Variants in RSF1 observed in about 807,000 individuals in gnomAD.
RSF1 encodes the protein HBV pX-associated protein 8.
Under a neutral mutation model 145.2 loss-of-function variants are expected in RSF1, and 13 were observed. The ratio of observed to expected loss-of-function variants is 0.09; its 90% CI spans 0.06 to 0.14. The LOEUF is 0.14. Among genes scored for constraint, RSF1 ranks in the 10% least tolerant of loss-of-function variants. RSF1 has a pLI of 1.00. For missense variants in RSF1, 1,517 were observed against 1,718.2 expected, an observed-to-expected ratio of 0.88 and a Z score of 2.07; for synonymous variants, 577 against 592.6, an observed-to-expected ratio of 0.97 and a Z score of 0.38.
intron 5 of RSF1, among the ~76,000 whole-genome samples, chr11:77,716,535 C>T (rs1269801067): frequency 6.6e-6 from 1 of 152,132 alleles, no homozygotes; most frequent in Admixed American, 6.5e-5. Context: ...AACAAATACC[C>T]CATGATCTCA....
chr11:77,845,942 C>T, the RSF1 span, among the ~76,000 whole-genome samples: 1 of 152,218 alleles, frequency 6.6e-6, no homozygotes, highest in South Asian at 2.1e-4. Context: ...CCCCCAATCC[C>T]CATATGGACC....
intron 7 of RSF1, 42 bp downstream of exon 7, chr11:77,698,445 T>A: frequency 6.4e-7 from 1 of 1,562,116 alleles, no homozygotes. Flanking sequence ...AACCTCACCA[T>A]GTCTGTAATA....
Position 77,663,926 on chromosome 11 carries a change from T to C in RSF1, c.*2991A>G, listed in dbSNP as rs1226449620. 2 of 151,670 alleles carry C rather than the reference T, an allele frequency of 1.3e-5. No homozygotes were observed. The highest frequency in any genetic ancestry group is 2.4e-5 in the African/African-American group (1 of 41,244). 9.4% of individuals were successfully genotyped at this position (151,670 alleles called of 1,614,324 possible). On this transcript the variant is annotated 3_prime_UTR_variant, in exon 16 of 16. Coordinates refer to ENST00000308488, the MANE Select transcript of RSF1 (RefSeq NM_016578.4). ...CCAACTTGTATTTCAACAAGGGGGG[T>C]TTAAATTATTAAAGGGCTCTATTAT...
chr11:77,676,794 A>G lies in RSF1; in HGVS notation c.3339T>C (p.Asp1113=). The G allele has an allele frequency of 2.5e-6, 4 of 1,613,654 alleles. No homozygotes were observed. In the South Asian group the frequency reaches 3.3e-5, roughly 13 times the overall value. The part of the protein sequence containing the change: ...EESEDEFKIS[D]GSQDEFVVSD... ...GGGCCTAGTAGGAGACCACACACCC[A>G]TCACTGATCTTGAATTCATCCTCGC... Residue 1113 remains aspartate, a splice_region_variant and synonymous_variant, in exon 13 of 16, where the codon GAT becomes GAC. Transcript: ENST00000308488.
chr11:77,826,147 G>T, the RSF1 span, among the ~76,000 whole-genome samples: 2 of 152,076 alleles, frequency 1.3e-5, no homozygotes, highest in Non-Finnish European at 2.9e-5. Context: ...CTGAGAGGCC[G>T]AGGTGGGAGT....
At chr11:77,852,620 C>T in the RSF1 span, among the ~76,000 whole-genome samples, 1 of 152,140 alleles carries the variant, frequency 6.6e-6, no homozygotes, top group African/African-American at 2.4e-5. Context: ...CTTAGAAAGT[C>T]TTATTCACCT....
At chr11:77,735,502 T>C (rs1961326068) in intron 4 of RSF1, among the ~76,000 whole-genome samples, 1 of 152,336 alleles carries the variant, frequency 6.6e-6, no homozygotes, top group East Asian at 1.9e-4. Flanking sequence ...TAACTTTTGT[T>C]ATATAATCCT....
rs776593351 is a variant in RSF1, at chr11:77,685,134, T to C, written c.2926A>G (p.Ile976Val). ...RRKERLVYVG[I>V]SIENIIPPQE... ...GGAGGAATGATGTTTTCAATACTGA[T>C]ACCAACATACACCAAGCGTTCTTTT... Residue 976 changes from isoleucine to valine, a missense_variant, in exon 10 of 16, where the codon ATC becomes GTC. This residue lies in a region of RSF1 where 29 missense variants were observed against 102.3 expected (regional missense o/e 0.28). Coordinates refer to ENST00000308488, the MANE Select transcript of RSF1 (RefSeq NM_016578.4). 1 of 1,568,326 alleles carries C rather than the reference T, an allele frequency of 6.4e-7. No homozygotes were observed. Among genetic ancestry groups the C allele is most frequent in the Non-Finnish European group, 8.6e-7 (1 of 1,157,382 alleles).
At chr11:77,693,013 T>C (rs1370167871) in intron 8 of RSF1, among the ~76,000 whole-genome samples, 5 of 152,076 alleles carry the variant, frequency 3.3e-5, no homozygotes, top group Admixed American at 6.6e-5. Context: ...AGTAGGTTTG[T>C]GAGAGAAATG....
rs746513583 is a variant in RSF1 at position 77,665,001 on chromosome 11, C to T, written c.*1916G>A. On this transcript the variant is annotated 3_prime_UTR_variant, in exon 16 of 16. Coordinates refer to ENST00000308488, the MANE Select transcript of RSF1 (RefSeq NM_016578.4). ...TTTATTTTTTATACAGATACATACA[C>T]ATTGCTAGAATCAAAGCAAAAATAT... is the stretch of plus-strand genomic sequence containing the variant. 6.6e-6 allele frequency: 1 copy of T among 152,118 alleles called. No individual in the cohort carries two copies. Among genetic ancestry groups the T allele is most frequent in the Non-Finnish European group, 1.5e-5 (1 of 68,010 alleles). The allele number at this position is 152,118 out of a possible 1,614,324, so 9.4% of individuals were successfully genotyped here.
chr11:77,672,120 C>T lies in RSF1; in HGVS notation c.3673G>A (p.Gly1225Ser), dbSNP rs181969957. ...CCACGTCGCAAACTCTTCTGGGAAC[C>T]GTCACTTTCTGAGTCTTCTTTGTAG... ...INYKEDSESD[G>S]SQKSLRRGKE... Residue 1225 changes from glycine to serine, a missense_variant, in exon 15 of 16, where the codon GGT (glycine) becomes AGT (serine). Physicochemically the swap from Gly to Ser is moderately conservative, Grantham distance 56. This residue lies in a region of RSF1 where 9 missense variants were observed against 23.0 expected (regional missense o/e 0.39). Transcript: ENST00000308488. 16 of 1,614,028 alleles carry T rather than the reference C, an allele frequency of 9.9e-6. No individual in the cohort carries two copies. Among genetic ancestry groups the T allele is most frequent in the Middle Eastern group, 1.7e-4 (1 of 6,060 alleles).
chr11:77,859,340 A>T, the RSF1 span, among the ~76,000 whole-genome samples: 1 of 151,880 alleles, frequency 6.6e-6, no homozygotes, highest in East Asian at 1.9e-4. Flanking sequence ...TTCCTTTCTG[A>T]TGACCCCAGC....
intron 1 of RSF1, among the ~76,000 whole-genome samples, chr11:77,791,562 C>T (rs1286424299): frequency 1.3e-5 from 2 of 152,054 alleles, no homozygotes; most frequent in East Asian, 3.9e-4. Context: ...GTGGTGCTTC[C>T]CTTATAAAAC....
intron 15 of RSF1, among the ~76,000 whole-genome samples, chr11:77,670,325 G>A (rs185014778): frequency 7.9e-5 from 12 of 152,192 alleles, no homozygotes; most frequent in Non-Finnish European, 1.5e-4. Flanking sequence ...CCATCTGCCT[G>A]TATCATTCTT....
chr11:77,766,924 T>C (rs1012410373), intron 1 of RSF1, among the ~76,000 whole-genome samples: 5 of 152,108 alleles, frequency 3.3e-5, no homozygotes, highest in African/African-American at 1.2e-4. Context: ...TAGCCTAAAC[T>C]AAGGTAGAGG....
At chr11:77,838,528 T>C in the RSF1 span, among the ~76,000 whole-genome samples, 2 of 152,310 alleles carry the variant, frequency 1.3e-5, no homozygotes, top group East Asian at 3.9e-4. Context: ...CTCCAAAATT[T>C]TGTGAGCCAC....
intron 5 of RSF1, among the ~76,000 whole-genome samples, chr11:77,712,309 CT>C (rs1362754735): frequency 9.9e-5 from 15 of 152,186 alleles, no homozygotes; most frequent in Non-Finnish European, 1.2e-4. Flanking sequence ...CAAGACATGC[CT>C]TTGCTTCTCC....
chr11:77,835,460 G>T, the RSF1 span, among the ~76,000 whole-genome samples: 2 of 128,636 alleles, frequency 1.6e-5, no homozygotes, highest in African/African-American at 6.4e-5. Context: ...ATGCTTTGGG[G>T]TATGTTTAAC....
At position 77,661,771 on chromosome 11, in the gene RSF1, T is replaced by C. The variant is rs544809472; in HGVS notation, c.*5146A>G. 1 of 152,134 alleles carries C rather than the reference T, an allele frequency of 6.6e-6. No homozygotes were observed. The highest frequency in any genetic ancestry group is 1.9e-4 in the East Asian group (1 of 5,190). The allele number at this position is 152,134 out of a possible 1,614,324, so 9.4% of individuals were successfully genotyped here. The stretch of plus-strand genomic sequence containing the variant: ...TCTCAAGCAAAATAAACTTTTTTTT[T>C]TTTTTTGCAACATACAAAATAAGTT... On this transcript the variant is annotated 3_prime_UTR_variant, in exon 16 of 16. Coordinates refer to ENST00000308488, the MANE Select transcript of RSF1 (RefSeq NM_016578.4).
Sources: gnomAD v4.1 joint callset for allele counts (sites outside exome capture counted in the v4.1 genomes callset) on GRCh38, gnomAD v4.1.1 for gene constraint, gnomAD v4.1.1 regional missense constraint, MANE v1.5 for transcripts, NCBI Gene and HGNC (gene_info 2026-07-23, HGNC 2026-07-21) for gene names.